The following APLP2 variants were observed in gnomAD, a reference collection of about 807,000 sequenced individuals.
APLP2 encodes CDEI box-binding protein.
Under a neutral mutation model 89.9 loss-of-function variants are expected in APLP2, and 53 were observed. That is an observed-to-expected ratio of 0.59 (90% CI 0.47 to 0.74). The LOEUF is 0.74. APLP2 is among the 30% of genes least tolerant of loss of function. The pLI is 0.00. For missense variants in APLP2, 973 were observed against 975.9 expected (o/e 1.00, Z 0.04); for synonymous variants, 372 against 348.6 (o/e 1.07, Z -0.75).
At chr11:130,127,929 C>A in intron 9 of APLP2, 89 bp downstream of exon 9, 2 of 1,109,032 alleles carry the variant, frequency 1.8e-6, no homozygotes, top group Non-Finnish European at 2.7e-6. Flanking sequence ...TAGGATTGGA[C>A]ACCACCTCCT....
At chr11:130,124,138 G>A (rs971327921) in intron 7 of APLP2, among the ~76,000 whole-genome samples, 5 of 152,162 alleles carry the variant, frequency 3.3e-5, no homozygotes, top group African/African-American at 1.2e-4. Context: ...GCTGTCCCCT[G>A]GGCTGGCTCT....
chr11:130,127,726 T>A (rs1950536650), intron 8 of APLP2, 40 bp from the exon 9 acceptor site: 1 of 1,549,922 alleles, frequency 6.5e-7, no homozygotes, highest in Non-Finnish European at 8.9e-7. Flanking sequence ...TGTTTCGGGG[T>A]ATTAATCACT....
chr11:130,072,117 G>T (rs1941214523), intron 1 of APLP2, among the ~76,000 whole-genome samples: 1 of 152,144 alleles, frequency 6.6e-6, no homozygotes, highest in Non-Finnish European at 1.5e-5. Flanking sequence ...TCTTACACCT[G>T]TTTAAAAAGA....
chr11:130,102,344 C>T (rs1947053391), intron 1 of APLP2, among the ~76,000 whole-genome samples: 1 of 152,182 alleles, frequency 6.6e-6, no homozygotes, highest in African/African-American at 2.4e-5. Flanking sequence ...CTAGATGCCT[C>T]GAAGGCCTGC....
At position 130,137,381 on chromosome 11, in the gene APLP2, A is replaced by G. The variant is rs1374880665; in HGVS notation, c.1837+1666A>G. 8 of 1,256,546 alleles carry G rather than the reference A, an allele frequency of 6.4e-6. No individual in the cohort carries two copies. The Admixed American group carries it at 1.0e-4, about 16-fold the overall frequency. 77.8% of individuals were successfully genotyped at this position (1,256,546 alleles called of 1,614,324 possible). The stretch of plus-strand genomic sequence containing the variant: ...GCTTCATGTTCTGTTTCATGCCATC[A>G]CCTGGCTTTCCCCACCTCATTCCTT... On this transcript the variant is annotated intron_variant, in intron 13 of 16. Coordinates refer to ENST00000338167, the MANE Select transcript of APLP2 (RefSeq NM_001142276.2).
chr11:130,108,819 A>C (rs542651467), intron 1 of APLP2: 2 of 152,282 alleles, frequency 1.3e-5, no homozygotes, highest in African/African-American at 4.8e-5. Flanking sequence ...ATGTCCATCA[A>C]TGATAGACTG....
chr11:130,130,002 G>A, intron 10 of APLP2, 36 bp from the exon 11 acceptor site: 1 of 1,605,040 alleles, frequency 6.2e-7, no homozygotes, highest in Non-Finnish European at 8.5e-7. Flanking sequence ...CAATTCTCTA[G>A]TCTCTGGATA....
intron 1 of APLP2, among the ~76,000 whole-genome samples, chr11:130,079,965 A>G (rs1280930352): frequency 6.6e-6 from 1 of 152,138 alleles, no homozygotes; most frequent in African/African-American, 2.4e-5. Context: ...TTTTTTTGCC[A>G]AGTATAAGAT....
intron 3 of APLP2, among the ~76,000 whole-genome samples, chr11:130,115,799 CAG>C (rs772702514): frequency 6.6e-6 from 1 of 152,122 alleles, no homozygotes; most frequent in Non-Finnish European, 1.5e-5. Flanking sequence ...GTAGCAAAGG[CAG>C]AGAGTAGCAA....
At chr11:130,132,358 C>CT (rs929443939) in intron 11 of APLP2, among the ~76,000 whole-genome samples, 64 of 151,576 alleles carry the variant, frequency 4.2e-4, no homozygotes, top group East Asian at 1.9e-3. Context: ...TTCCATTTAG[C>CT]TTTTTTTTTC....
rs774418684 is a variant in APLP2, at chr11:130,135,693, C to T, written c.1815C>T (p.Phe605=). The change falls in exon 13 of 17, where the codon TTC becomes TTT. Residue 605 remains phenylalanine (F), a synonymous_variant. Coordinates refer to ENST00000338167, the MANE Select transcript of APLP2 (RefSeq NM_001142276.2). Reference sequence around the variant, plus strand: ...CACCGTTCCACCCCTTCCACCCCTTCCCAGCCCTACCTGAGAACGAAGGTG... The same window carrying T: ...CACCGTTCCACCCCTTCCACCCCTTTCCAGCCCTACCTGAGAACGAAGGTG... ...EIPPFHPFHP[F]PALPENEGSG... 6.2e-7 allele frequency: 1 copy of T among 1,614,138 alleles called. No individual in the cohort carries two copies. Among genetic ancestry groups the T allele is most frequent in the Non-Finnish European group, 8.5e-7 (1 of 1,180,028 alleles).
chr11:130,073,714 G>T (rs569449402), intron 1 of APLP2, among the ~76,000 whole-genome samples: 1 of 152,108 alleles, frequency 6.6e-6, no homozygotes, highest in African/African-American at 2.4e-5. Flanking sequence ...GATGGCGTGC[G>T]CCTGTAATCC....
rs1950673660 is a variant in APLP2 at position 130,129,220 on chromosome 11, C to G, written c.1455+14C>G. 15 of 1,606,666 alleles carry G rather than the reference C, an allele frequency of 9.3e-6. No individual in the cohort carries two copies. Among genetic ancestry groups the G allele is most frequent in the Non-Finnish European group, 1.2e-5 (14 of 1,175,436 alleles). ...GACCCGCCACGGGTGAGTCCTGCCC[C>G]TAGCACTGCCTGCCCTGAGGTGGTA... is the stretch of plus-strand genomic sequence containing the variant. On this transcript the variant is annotated intron_variant, in intron 10 of 16. Coordinates refer to ENST00000338167, the MANE Select transcript of APLP2 (RefSeq NM_001142276.2).
chr11:130,081,775 ATTTAT>A (rs1182481541), intron 1 of APLP2, among the ~76,000 whole-genome samples: 1 of 152,180 alleles, frequency 6.6e-6, no homozygotes, highest in Non-Finnish European at 1.5e-5. Flanking sequence ...CTATTTTGTA[ATTTAT>A]TTGATTCTTT....
chr11:130,093,898 C>A (rs1173930638), intron 1 of APLP2, among the ~76,000 whole-genome samples: 1 of 152,064 alleles, frequency 6.6e-6, no homozygotes, highest in Non-Finnish European at 1.5e-5. Context: ...CATGTGCCAC[C>A]ACGTCTGGCT....
intron 1 of APLP2, among the ~76,000 whole-genome samples, chr11:130,093,907 C>T (rs1023264979): frequency 6.6e-6 from 1 of 152,068 alleles, no homozygotes; most frequent in East Asian, 1.9e-4. Flanking sequence ...CCACGTCTGG[C>T]TAATTTTTTT....
intron 1 of APLP2, among the ~76,000 whole-genome samples, chr11:130,096,566 A>C (rs1251601703): frequency 2.6e-5 from 4 of 152,126 alleles, no homozygotes; most frequent in African/African-American, 7.2e-5. Flanking sequence ...AAACATTTAA[A>C]AATTAGCCAG....
At chr11:130,126,647 A>G (rs1278124075) in intron 7 of APLP2, 53 bp from the exon 8 acceptor site, 13 of 1,604,902 alleles carry the variant, frequency 8.1e-6, no homozygotes, top group South Asian at 1.1e-5. Context: ...TTTTCTTCCT[A>G]GAGCACAGTG....
chr11:130,090,415 C>T (rs1944774752), intron 1 of APLP2, among the ~76,000 whole-genome samples: 1 of 149,910 alleles, frequency 6.7e-6, no homozygotes, highest in African/African-American at 2.5e-5. Context: ...CTGCGGCCTT[C>T]CGCAGTGTTT....
Sources: gnomAD v4.1 joint callset for allele counts (sites outside exome capture counted in the v4.1 genomes callset) on GRCh38, gnomAD v4.1.1 for gene constraint, MANE v1.5 for transcripts, NCBI Gene and HGNC (gene_info 2026-07-23, HGNC 2026-07-21) for gene names.